PRSS12: variants seen among roughly 807,000 people sequenced by gnomAD.
The protein encoded by PRSS12 is neurotrypsin.
A neutral mutation model predicts 104.4 loss-of-function variants in PRSS12; 85 were observed. The ratio of observed to expected loss-of-function variants is 0.81; its 90% CI spans 0.68 to 0.98. The LOEUF (loss-of-function observed/expected upper bound fraction) is 0.98, where lower values mean the gene tolerates loss of function less well. PRSS12 is among the 50% of genes least tolerant of loss of function. The pLI is 0.00. For missense variants in PRSS12, 1,141 were observed against 1,139.2 expected (o/e 1.00, Z -0.02); for synonymous variants, 454 against 425.2 (o/e 1.07, Z -0.83).
chr4:118,323,337 A>AT (rs1723681752), intron 4 of PRSS12, among the ~76,000 whole-genome samples: 1 of 152,076 alleles, frequency 6.6e-6, no homozygotes, highest in Non-Finnish European at 1.5e-5. Flanking sequence ...TTCAATGGGT[A>AT]TAATTCATTG....
At chr4:118,334,291 G>A (rs1375411757) in intron 3 of PRSS12, among the ~76,000 whole-genome samples, 1 of 151,872 alleles carries the variant, frequency 6.6e-6, no homozygotes, top group Non-Finnish European at 1.5e-5. Flanking sequence ...GGTGGAAGGA[G>A]TAAAAAATGT....
chr4:118,343,208 G>A (rs1373789494), intron 1 of PRSS12, among the ~76,000 whole-genome samples: 1 of 151,710 alleles, frequency 6.6e-6, no homozygotes, highest in African/African-American at 2.4e-5. Flanking sequence ...AGACAACAGA[G>A]TGAGACACTG....
intron 3 of PRSS12, among the ~76,000 whole-genome samples, chr4:118,334,385 A>G (rs1269760926): frequency 1.3e-5 from 2 of 152,152 alleles, no homozygotes; most frequent in Non-Finnish European, 2.9e-5. Flanking sequence ...AATCAGGTTG[A>G]GCATAGAGTA....
Position 118,281,080 on chromosome 4 carries a change from T to C in PRSS12, c.*856A>G, listed in dbSNP as rs927527973. On this transcript the variant is annotated 3_prime_UTR_variant, in exon 13 of 13. Coordinates refer to ENST00000296498, the MANE Select transcript of PRSS12 (RefSeq NM_003619.4). ...TTGGGCTTGGGAAAACCTGCAGGTA[T>C]AAGTCAGTTACAGGGAAGTGTCAGT... 6 of 152,258 alleles carry C rather than the reference T, an allele frequency of 3.9e-5. No homozygotes were observed. Among genetic ancestry groups the C allele is most frequent in the Non-Finnish European group, 8.8e-5 (6 of 68,050 alleles). 9.4% of individuals were successfully genotyped at this position (152,258 alleles called of 1,614,324 possible).
At chr4:118,307,762 C>T (rs1187096309) in intron 8 of PRSS12, among the ~76,000 whole-genome samples, 1 of 152,122 alleles carries the variant, frequency 6.6e-6, no homozygotes, top group African/African-American at 2.4e-5. Flanking sequence ...CTGAGGGAAG[C>T]TTATCTAATG....
Position 118,331,865 on chromosome 4 carries a change from G to C in PRSS12, c.822C>G (p.Gly274=), listed in dbSNP as rs756532420. The C allele has an allele frequency of 5.0e-6, 8 of 1,613,808 alleles. No individual in the cohort carries two copies. The African/African-American group carries it at 1.1e-4, about 22-fold the overall frequency. The change falls in exon 4 of 13, where the codon GGC becomes GGG. Residue 274 remains glycine (G), a splice_region_variant and synonymous_variant. Transcript: ENST00000296498. Reference sequence around the variant, plus strand: ...CAAGGCGAATGATGGGGAACGTTGGGCCTGTGCAATGTGAAGTTAAAAATA... The same window carrying C: ...CAAGGCGAATGATGGGGAACGTTGGCCCTGTGCAATGTGAAGTTAAAAATA... ...AAAVTCSFSH[G]PTFPIIRLAG...
intron 11 of PRSS12, among the ~76,000 whole-genome samples, chr4:118,293,095 C>T (rs537880061): frequency 8.6e-4 from 131 of 151,594 alleles, no homozygotes; most frequent in Non-Finnish European, 1.5e-3. Context: ...GATGACTGCA[C>T]AAATATTTAC....
chr4:118,306,684 T>C (rs1743561967), intron 8 of PRSS12, among the ~76,000 whole-genome samples: 1 of 152,170 alleles, frequency 6.6e-6, no homozygotes, highest in Non-Finnish European at 1.5e-5. Context: ...ACCTCCAATA[T>C]TATGGATTAC....
intron 9 of PRSS12, among the ~76,000 whole-genome samples, chr4:118,298,321 C>T (rs1420205306): frequency 6.6e-6 from 1 of 151,850 alleles, no homozygotes; most frequent in African/African-American, 2.4e-5. Context: ...TTTAAATATC[C>T]TTGTTTAAAA....
At chr4:118,347,225 T>C (rs1173391271) in intron 1 of PRSS12, among the ~76,000 whole-genome samples, 1 of 152,238 alleles carries the variant, frequency 6.6e-6, no homozygotes, top group Non-Finnish European at 1.5e-5. Flanking sequence ...TGCTAATAAA[T>C]GTTTTTCAGC....
intron 8 of PRSS12, among the ~76,000 whole-genome samples, chr4:118,299,386 T>A (rs1230115313): frequency 6.6e-6 from 1 of 152,134 alleles, no homozygotes; most frequent in Admixed American, 6.6e-5. Flanking sequence ...AAGAAAAATG[T>A]ACAATTTTTT....
intron 11 of PRSS12, among the ~76,000 whole-genome samples, chr4:118,287,025 T>C (rs887581358): frequency 6.6e-6 from 1 of 152,134 alleles, no homozygotes; most frequent in Non-Finnish European, 1.5e-5. Context: ...TGCTCACCAA[T>C]CAGCAGTTTA....
intron 11 of PRSS12, among the ~76,000 whole-genome samples, chr4:118,292,224 G>A (rs1481159502): frequency 6.6e-6 from 1 of 152,040 alleles, no homozygotes; most frequent in African/African-American, 2.4e-5. Context: ...TATCAGTTTA[G>A]CAATTAATAT....
At chr4:118,343,341 G>A (rs1724264296) in intron 1 of PRSS12, among the ~76,000 whole-genome samples, 1 of 152,134 alleles carries the variant, frequency 6.6e-6, no homozygotes, top group Non-Finnish European at 1.5e-5. Flanking sequence ...ACTGCAGTGA[G>A]CTATAATTGT....
intron 9 of PRSS12, 124 bp from the exon 10 acceptor site, chr4:118,295,980 A>T (rs894829575): frequency 2.5e-5 from 21 of 856,520 alleles, no homozygotes; most frequent in Middle Eastern, 2.2e-4. Context: ...GCAAATTAAA[A>T]TTTTTCTTGT....
At chr4:118,331,607 G>T in intron 4 of PRSS12, 109 bp downstream of exon 4, 1 of 1,417,164 alleles carries the variant, frequency 7.1e-7, no homozygotes, top group Non-Finnish European at 9.8e-7. Context: ...AAGGTAACTT[G>T]TCCCATTTGT....
chr4:118,335,683 C>T (rs907174529), intron 2 of PRSS12, 32 bp from the exon 3 acceptor site: 1 of 1,592,672 alleles, frequency 6.3e-7, no homozygotes, highest in East Asian at 2.2e-5. Flanking sequence ...TTAGGTTTAT[C>T]AAATGTAGGC....
intron 8 of PRSS12, among the ~76,000 whole-genome samples, chr4:118,308,071 C>T (rs1312016712): frequency 5.9e-5 from 9 of 152,162 alleles, no homozygotes. Context: ...TGAGAACCAA[C>T]AGTAATTTCA....
chr4:118,293,969 G>A (rs1176648091), intron 11 of PRSS12, among the ~76,000 whole-genome samples: 1 of 152,142 alleles, frequency 6.6e-6, no homozygotes, highest in East Asian at 1.9e-4. Flanking sequence ...TGCAGCAACA[G>A]GCGAATAAAT....
Sources: gnomAD v4.1 joint callset for allele counts (sites outside exome capture counted in the v4.1 genomes callset) on GRCh38, gnomAD v4.1.1 for gene constraint, MANE v1.5 for transcripts, NCBI Gene and HGNC (gene_info 2026-07-23, HGNC 2026-07-21) for gene names.